TNRC6B: variants seen among roughly 807,000 people sequenced by gnomAD.
TNRC6B encodes the protein trinucleotide repeat containing adaptor 6B, also known as trinucleotide repeat-containing gene 6B protein.
In TNRC6B, 52 loss-of-function variants were observed where a neutral mutation model predicts 203.6. That is an observed-to-expected ratio of 0.26 (90% CI 0.20 to 0.32). The LOEUF (loss-of-function observed/expected upper bound fraction) is 0.32. Ranked by LOEUF, TNRC6B falls within the 10% of genes least tolerant of loss-of-function variation. TNRC6B has a pLI of 1.00. For synonymous variants in TNRC6B, 838 were observed against 845.7 expected (o/e 0.99, Z 0.16); for missense variants, 1,923 against 2,286.2 (o/e 0.84, Z 3.24).
intron 1 of TNRC6B, among the ~76,000 whole-genome samples, chr22:40,218,327 T>TTC (rs1481948015): frequency 6.2e-4 from 84 of 134,804 alleles, no homozygotes; most frequent in East Asian, 8.6e-4. Context: ...TTCTTTTCTT[T>TTC]TTTTTTTTTT....
chr22:40,288,836 C>T (rs1198996202), intron 12 of TNRC6B, among the ~76,000 whole-genome samples: 2 of 143,182 alleles, frequency 1.4e-5, no homozygotes, highest in Non-Finnish European at 3.0e-5. Flanking sequence ...CCACTGTGCC[C>T]AGCTTTTTTT....
intron 12 of TNRC6B, among the ~76,000 whole-genome samples, chr22:40,294,234 T>C (rs1415195228): frequency 2.0e-5 from 3 of 151,874 alleles, no homozygotes; most frequent in Non-Finnish European, 4.4e-5. Context: ...GTCTGGACAA[T>C]AGAGTGAGAC....
In TNRC6B at chr22:40,143,698, G is replaced by A. The variant is rs192717872; in HGVS notation, c.46-12417G>A. ...TTTTTAGTAGAGACAGGGTTTCACCGTGTTAGCCAGGATGGTCTCGATCTC... is the reference window on the plus strand; with the variant it reads ...TTTTTAGTAGAGACAGGGTTTCACCATGTTAGCCAGGATGGTCTCGATCTC... On this transcript the variant is annotated intron_variant, in intron 3 of 23. Coordinates refer to the TNRC6B transcript ENST00000301923. 5.6e-4 allele frequency among the ~76,000 whole-genome samples: 85 copies of A among 152,148 alleles called. 2 individuals carry two copies. The highest frequency in any genetic ancestry group is 6.8e-3 in the Middle Eastern group (2 of 294).
intron 1 of TNRC6B, among the ~76,000 whole-genome samples, chr22:40,186,442 A>C (rs945782604): frequency 3.9e-5 from 6 of 151,936 alleles, no homozygotes; most frequent in African/African-American, 1.2e-4. Context: ...CAGGAGTCAC[A>C]TTAAAAAAGT....
chr22:40,277,952 A>G (rs751224687), intron 8 of TNRC6B, 47 bp from the exon 9 acceptor site: 10 of 1,432,260 alleles, frequency 7.0e-6, no homozygotes, highest in Non-Finnish European at 9.6e-6. Context: ...TCTTTGATTC[A>G]AAGATGTGCA....
In TNRC6B at chr22:40,328,937, AT is replaced by A. The variant is rs918979980; in HGVS notation, c.*5697del. ...ATAAATTTTTCGCTGGTTAAAAAAAATCAAACTTTCCTCTGCAGTGTTTTTG... is the reference window on the plus strand; with the variant it reads ...ATAAATTTTTCGCTGGTTAAAAAAAACAAACTTTCCTCTGCAGTGTTTTTG... On this transcript the variant is annotated 3_prime_UTR_variant, in exon 23 of 23. Coordinates refer to ENST00000454349, the MANE Select transcript of TNRC6B (RefSeq NM_001162501.2). The A allele has an allele frequency of 2.6e-5, 4 of 152,594 alleles. No homozygotes were observed. The highest frequency in any genetic ancestry group is 7.2e-5 in the African/African-American group (3 of 41,442). 9.5% of individuals were successfully genotyped at this position (152,594 alleles called of 1,614,324 possible).
intron 1 of TNRC6B, among the ~76,000 whole-genome samples, chr22:40,068,904 A>G (rs2067921593): frequency 2.0e-5 from 3 of 152,018 alleles, no homozygotes; most frequent in Admixed American, 2.0e-4. Flanking sequence ...TTTTAAATCC[A>G]TATATATGAG....
chr22:40,044,915 C>T (rs2067672294), exon 1 of TNRC6B: 1 of 152,488 alleles, frequency 6.6e-6, no homozygotes, highest in Non-Finnish European at 1.5e-5. Flanking sequence ...TACGACGTCG[C>T]CTCCATAGTC....
In TNRC6B at chr22:40,300,562, T is replaced by G. The variant is rs1350162933; in HGVS notation, c.3816T>G (p.Leu1272=). The change falls in exon 13 of 23, where the codon CTT becomes CTG. Residue 1272 remains leucine, a synonymous_variant. Coordinates refer to ENST00000454349, the MANE Select transcript of TNRC6B (RefSeq NM_001162501.2). ...AACAAATTGCCATGCTGAGCCAGCT[T>G]CCACAAATTCCCCAGTTTCAGTTGG... ...SPQQIAMLSQ[L]PQIPQFQLAC... 1.9e-6 allele frequency: 3 copies of G among 1,611,488 alleles called. No homozygotes were observed. Among genetic ancestry groups the G allele is most frequent in the Non-Finnish European group, 2.5e-6 (3 of 1,179,270 alleles).
At chr22:40,309,855 G>A (rs1054081919) in intron 16 of TNRC6B, among the ~76,000 whole-genome samples, 4 of 152,156 alleles carry the variant, frequency 2.6e-5, no homozygotes, top group African/African-American at 4.8e-5. Context: ...AGTGGCTCCA[G>A]AAAAGTAAAT....
chr22:40,191,114 G>A (rs117836873), intron 1 of TNRC6B, among the ~76,000 whole-genome samples: 1,680 of 152,226 alleles, frequency 0.011, 16 homozygotes, highest in Non-Finnish European at 0.019. Context: ...ATCTGAGCTG[G>A]GTCTTAATGG....
intron 1 of TNRC6B, among the ~76,000 whole-genome samples, chr22:40,227,476 A>G (rs2069806892): frequency 6.8e-6 from 1 of 147,562 alleles, no homozygotes; most frequent in Non-Finnish European, 1.5e-5. Flanking sequence ...CAGCCTCCCA[A>G]GTAGCTGGGA....
rs1209351106 is a variant in TNRC6B, at chr22:40,321,209, G to A, written c.5094G>A (p.Lys1698=). Residue 1698 remains lysine, a synonymous_variant, in exon 22 of 23, where the codon AAG becomes AAA. Coordinates refer to ENST00000454349, the MANE Select transcript of TNRC6B (RefSeq NM_001162501.2). ...IRYSTKQEAA[K]AQTALHMCVL... ...ACAGCACCAAACAGGAGGCGGCCAAGGCCCAAACTGCACTGCACATGTGAG... is the reference window on the plus strand; with the variant it reads ...ACAGCACCAAACAGGAGGCGGCCAAAGCCCAAACTGCACTGCACATGTGAG... 8.1e-6 allele frequency: 13 copies of A among 1,613,780 alleles called. No individual in the cohort carries two copies. The East Asian group carries it at 2.9e-4, about 36-fold the overall frequency.
At position 40,273,496 on chromosome 22, in the gene TNRC6B, G is replaced by A. The variant is rs2070594344; in HGVS notation, c.3037G>A (p.Glu1013Lys). Residue 1013 changes from glutamate to lysine, a missense_variant, in exon 7 of 23, where the codon GAA (glutamate) becomes AAA (lysine). This residue lies in a region of TNRC6B where 599 missense variants were observed against 656.5 expected (regional missense o/e 0.91). Coordinates refer to ENST00000454349, the MANE Select transcript of TNRC6B (RefSeq NM_001162501.2). ...CACAGGAGCTCGCCATCCCAGCTGG[G>A]AAGAGGAGGAGGATGGAGGAGTCTG... ...PVTGARHPSW[E>K]EEEDGGVWNT... The A allele has an allele frequency of 6.2e-7, 1 of 1,606,092 alleles. No individual in the cohort carries two copies. Among genetic ancestry groups the A allele is most frequent in the Non-Finnish European group, 8.5e-7 (1 of 1,176,238 alleles).
chr22:40,153,165 G>A (rs900676164), intron 3 of TNRC6B, among the ~76,000 whole-genome samples: 4 of 152,088 alleles, frequency 2.6e-5, no homozygotes, highest in African/African-American at 9.7e-5. Flanking sequence ...AAACAAGGAC[G>A]TTTCAGTCAT....
intron 3 of TNRC6B, among the ~76,000 whole-genome samples, chr22:40,259,127 CAGAT>C (rs1448018843): frequency 6.6e-6 from 1 of 152,148 alleles, no homozygotes; most frequent in Non-Finnish European, 1.5e-5. Flanking sequence ...CCTCCAGTAA[CAGAT>C]AGAAAATTAA....
intron 3 of TNRC6B, among the ~76,000 whole-genome samples, chr22:40,254,330 G>T (rs1015279409): frequency 1.3e-5 from 2 of 152,192 alleles, no homozygotes; most frequent in African/African-American, 4.8e-5. Flanking sequence ...TGTAATGGAG[G>T]AAGTTGGACA....
intron 2 of TNRC6B, among the ~76,000 whole-genome samples, chr22:40,248,094 C>T (rs2070134356): frequency 6.6e-6 from 1 of 151,584 alleles, no homozygotes; most frequent in African/African-American, 2.4e-5. Context: ...AAAAAAAAAC[C>T]ATAGAAGTCA....
intron 2 of TNRC6B, among the ~76,000 whole-genome samples, chr22:40,250,617 C>T (rs2070178617): frequency 6.6e-6 from 1 of 152,098 alleles, no homozygotes; most frequent in Non-Finnish European, 1.5e-5. Flanking sequence ...TACAGCAGTC[C>T]TTTGCAGGGT....
Sources: allele counts gnomAD v4.1 joint callset (sites outside exome capture counted in the v4.1 genomes callset), GRCh38; gene constraint gnomAD v4.1.1; regional missense constraint gnomAD v4.1.1; transcripts MANE v1.5; gene names NCBI Gene and HGNC (gene_info 2026-07-23, HGNC 2026-07-21).